Variants in ZNF718 observed in about 807,000 individuals in gnomAD.
ZNF718 encodes the protein zinc finger protein 718.
ZNF718 carries 3 observed loss-of-function variants against 2.6 expected under a neutral mutation model. The observed-to-expected ratio is 1.16, with a 90% CI of 0.53 to 3.01. The LOEUF (loss-of-function observed/expected upper bound fraction) is 3.01. Ranked by LOEUF, ZNF718 falls within the 30% of genes most tolerant of loss-of-function variation. ZNF718 has a pLI of 0.03. For missense variants in ZNF718, 468 were observed against 230.0 expected, an observed-to-expected ratio of 2.03 and a Z score of -6.69; for synonymous variants, 135 against 77.9, an observed-to-expected ratio of 1.73 and a Z score of -3.86.
intron 3 of ZNF718, among the ~76,000 whole-genome samples, chr4:147,454 G>A (rs1716116894): frequency 6.6e-6 from 1 of 152,276 alleles, no homozygotes; most frequent in Non-Finnish European, 1.5e-5. Flanking sequence ...GTGCATTGGA[G>A]CCAGGTCATG....
intron 3 of ZNF718, among the ~76,000 whole-genome samples, chr4:189,879 C>A (rs1189067734): frequency 6.6e-6 from 1 of 152,024 alleles, no homozygotes; most frequent in Non-Finnish European, 1.5e-5. Context: ...TCACTTTTTT[C>A]TATTGTTCAA....
chr4:145,632 A>T (rs1553811095), intron 3 of ZNF718, among the ~76,000 whole-genome samples: 1 of 151,788 alleles, frequency 6.6e-6, no homozygotes, highest in African/African-American at 2.4e-5. Context: ...TTTTTTTTGT[A>T]CTTTATATAG....
At chr4:184,099 A>G (rs1445958302) in intron 3 of ZNF718, among the ~76,000 whole-genome samples, 1 of 152,122 alleles carries the variant, frequency 6.6e-6, no homozygotes, top group Admixed American at 6.5e-5. Context: ...TTTCAAGGCA[A>G]ATGCTTCCAG....
intron 3 of ZNF718, among the ~76,000 whole-genome samples, chr4:154,142 A>G (rs1232781508): frequency 6.6e-6 from 1 of 152,140 alleles, no homozygotes; most frequent in Non-Finnish European, 1.5e-5. Flanking sequence ...CTCCTGCCAT[A>G]TATGACATGA....
intron 3 of ZNF718, among the ~76,000 whole-genome samples, chr4:150,888 TTG>T (rs111894956): frequency 1.6e-4 from 24 of 150,034 alleles, no homozygotes; most frequent in South Asian, 4.2e-4. Flanking sequence ...AATTTGAATT[TTG>T]TGTGTGTGTG....
intron 3 of ZNF718, among the ~76,000 whole-genome samples, chr4:148,683 A>G (rs903225421): frequency 2.0e-5 from 3 of 150,934 alleles, no homozygotes; most frequent in African/African-American, 7.3e-5. Flanking sequence ...GCACAGATGG[A>G]TGTTTCTGTG....
chr4:124,579 A>G lies in ZNF718; in HGVS notation c.-92A>G. On this transcript the variant is annotated 5_prime_UTR_variant, in exon 1 of 4. Transcript: ENST00000510175. ...CCCGCTCCTTAGGGAAGCCTCGGTG[A>G]TTCTGCCACAGCCTCAGCCTCTGTG... 1 of 1,566,564 alleles carries G rather than the reference A, an allele frequency of 6.4e-7. No individual in the cohort carries two copies. Among genetic ancestry groups the G allele is most frequent in the African/African-American group, 1.3e-5 (1 of 74,214 alleles).
chr4:184,339 T>C (rs1347435355), intron 3 of ZNF718, among the ~76,000 whole-genome samples: 3 of 152,204 alleles, frequency 2.0e-5, no homozygotes, highest in Non-Finnish European at 2.9e-5. Context: ...CAACCAACCT[T>C]GCATCCCAGG....
At chr4:197,093 T>C (rs1341325104) in intron 3 of ZNF718, among the ~76,000 whole-genome samples, 2 of 140,070 alleles carry the variant, frequency 1.4e-5, no homozygotes, top group Non-Finnish European at 3.3e-5. Context: ...TTTTTAAGCA[T>C]GTACTTCAAG....
At chr4:139,155 T>A (rs1394214065) in intron 3 of ZNF718, among the ~76,000 whole-genome samples, 1 of 152,248 alleles carries the variant, frequency 6.6e-6, no homozygotes, top group Admixed American at 6.5e-5. Flanking sequence ...ATTTTTGCGT[T>A]GGCTGCCTGT....
chr4:195,135 T>A (rs1291749208), intron 3 of ZNF718, among the ~76,000 whole-genome samples: 4 of 152,192 alleles, frequency 2.6e-5, no homozygotes, highest in Admixed American at 2.6e-4. Flanking sequence ...ACAACCCAGC[T>A]GCCCCATCAA....
intron 3 of ZNF718, among the ~76,000 whole-genome samples, chr4:157,085 T>C (rs1017338432): frequency 2.5e-4 from 38 of 149,384 alleles, no homozygotes; most frequent in Non-Finnish European, 4.6e-4. Context: ...TTTTTTCTTT[T>C]TGTTTCTTTC....
Position 161,551 on chromosome 4 carries a change from G to A in ZNF718, c.866G>A (p.Gly289Asp). The A allele has an allele frequency of 1.3e-6, 1 of 780,888 alleles. No homozygotes were observed. The highest frequency in any genetic ancestry group is 1.3e-5 in the South Asian group (1 of 74,616). 48.4% of individuals were successfully genotyped at this position (780,888 alleles called of 1,614,324 possible). Residue 289 changes from glycine to aspartate, a missense_variant, in exon 4 of 4, where the codon GGT (glycine) becomes GAT (aspartate). Transcript: ENST00000510175. The stretch of plus-strand genomic sequence containing the variant: ...AAATACTACAAATGTGAAGAATGTG[G>A]TAAAGCCTTTAAGTGGTCCTCATCC... ...AQKYYKCEEC[G>D]KAFKWSSSLN...
In ZNF718 at chr4:177,949, G is replaced by A. The variant is rs1157467386; in HGVS notation, c.227-23132G>A. On this transcript the variant is annotated intron_variant and NMD_transcript_variant, in intron 3 of 4. Transcript: ENST00000642529. ...ATGCTCCAAAGACAACCCGAAACAT[G>A]TATGCTAAATTGAGCAGAGAGGACG... Among the ~76,000 whole-genome samples the A allele has an allele frequency of 5.3e-5, 8 of 152,156 alleles. No individual in the cohort carries two copies. The East Asian group carries it at 1.5e-3, about 29-fold the overall frequency.
chr4:194,635 A>G (rs1210628219), intron 3 of ZNF718, among the ~76,000 whole-genome samples: 3 of 152,246 alleles, frequency 2.0e-5, no homozygotes, highest in African/African-American at 7.2e-5. Context: ...TCCATGTCAG[A>G]TCAAAGGATT....
downstream of ZNF718, among the ~76,000 whole-genome samples, chr4:168,013 A>T (rs1581470891): frequency 6.6e-6 from 1 of 152,092 alleles, no homozygotes; most frequent in Admixed American, 6.6e-5. Flanking sequence ...TTATTATTTT[A>T]AGATATGTCC....
chr4:192,307 G>A (rs144290336), intron 3 of ZNF718, among the ~76,000 whole-genome samples: 2,778 of 152,160 alleles, frequency 0.018, 84 homozygotes, highest in African/African-American at 0.063. Flanking sequence ...TGAATGCCTG[G>A]GTTTATATCC....
rs529276521 is a variant in ZNF718 at position 183,365 on chromosome 4, G to A, written c.227-17716G>A. 4.6e-5 allele frequency among the ~76,000 whole-genome samples: 7 copies of A among 152,226 alleles called. No homozygotes were observed. The East Asian group carries it at 7.7e-4, about 17-fold the overall frequency. On this transcript the variant is annotated intron_variant and NMD_transcript_variant, in intron 3 of 4. Coordinates refer to the ZNF718 transcript ENST00000642529. The stretch of plus-strand genomic sequence containing the variant: ...TTCTGTTCCATTGGTCTATCTGTCC[G>A]TTCTTGTACCAGTACCATGCTATTT...
At position 186,582 on chromosome 4, in the gene ZNF718, C is replaced by T. The variant is rs146701933; in HGVS notation, c.227-14499C>T. 4.6e-3 allele frequency among the ~76,000 whole-genome samples: 701 copies of T among 152,044 alleles called. 3 individuals are homozygous for T. Among genetic ancestry groups the T allele is most frequent in the African/African-American group, 0.016 (670 of 41,498 alleles). On this transcript the variant is annotated intron_variant and NMD_transcript_variant, in intron 3 of 4. Coordinates refer to the ZNF718 transcript ENST00000642529. Reference sequence around the variant, plus strand: ...GATGATATCCTGAAATATGTTCATACGTCTCAGAGGTTTTGTTCATTCCTT... The same window carrying T: ...GATGATATCCTGAAATATGTTCATATGTCTCAGAGGTTTTGTTCATTCCTT...
Sources: gnomAD v4.1 joint callset for allele counts (sites outside exome capture counted in the v4.1 genomes callset) on GRCh38, gnomAD v4.1.1 for gene constraint, MANE v1.5 for transcripts, NCBI Gene and HGNC (gene_info 2026-07-23, HGNC 2026-07-21) for gene names.